Variants in SF3A1 observed in about 807,000 individuals in gnomAD.
SF3A1 encodes splicing factor 3a subunit 1, also known as SAP 114.
A neutral mutation model predicts 89.9 loss-of-function variants in SF3A1; 13 were observed. The observed-to-expected ratio is 0.14, with a 90% confidence interval of 0.09 to 0.23. The LOEUF (loss-of-function observed/expected upper bound fraction) is 0.23. SF3A1 is among the 10% of genes least tolerant of loss of function. The pLI, the probability that SF3A1 is intolerant of heterozygous loss-of-function variation, is 1.00. For synonymous variants in SF3A1, 405 were observed against 374.4 expected (o/e 1.08, Z -0.94); for missense variants, 604 against 1,022.1 (o/e 0.59, Z 5.58).
chr22:30,354,174 C>T (rs1931687935), intron 1 of SF3A1, among the ~76,000 whole-genome samples: 1 of 152,158 alleles, frequency 6.6e-6, no homozygotes, highest in Non-Finnish European at 1.5e-5. Context: ...AGTCTCTTAT[C>T]TTAGAGAAAC....
chr22:30,336,697 C>T (rs1362426445), intron 13 of SF3A1, among the ~76,000 whole-genome samples: 2 of 152,170 alleles, frequency 1.3e-5, no homozygotes, highest in East Asian at 1.9e-4. Flanking sequence ...CAATTTCCTC[C>T]AGGTGTCTAG....
chr22:30,346,847 G>C (rs1931436351), intron 2 of SF3A1, among the ~76,000 whole-genome samples: 1 of 152,066 alleles, frequency 6.6e-6, no homozygotes, highest in Non-Finnish European at 1.5e-5. Flanking sequence ...TTAAGATGGA[G>C]AATACATATT....
intron 11 of SF3A1, among the ~76,000 whole-genome samples, chr22:30,338,254 T>C (rs1481764019): frequency 6.6e-6 from 1 of 151,758 alleles, no homozygotes; most frequent in African/African-American, 2.4e-5. Flanking sequence ...AGGTCGGGAG[T>C]TCGAGACCAG....
At chr22:30,336,514 C>T (rs561021864) in intron 13 of SF3A1, among the ~76,000 whole-genome samples, 5 of 152,098 alleles carry the variant, frequency 3.3e-5, no homozygotes, top group Admixed American at 6.6e-5. Flanking sequence ...GAGCAGAGGC[C>T]GGGGCTGTTT....
At chr22:30,340,930 G>C (rs1931232184) in intron 7 of SF3A1, 118 bp from the exon 8 acceptor site, 1 of 669,806 alleles carries the variant, frequency 1.5e-6, no homozygotes, top group Non-Finnish European at 2.6e-6. Flanking sequence ...GCGTCCATGT[G>C]CTAAGCCTCC....
At chr22:30,342,741 G>A in intron 5 of SF3A1, 64 bp downstream of exon 5, 1 of 1,063,426 alleles carries the variant, frequency 9.4e-7, no homozygotes, top group South Asian at 1.3e-5. Flanking sequence ...CTCAGAGACT[G>A]TTTTCAGACA....
At chr22:30,343,407 G>A (rs1220573925) in intron 4 of SF3A1, among the ~76,000 whole-genome samples, 2 of 152,170 alleles carry the variant, frequency 1.3e-5, no homozygotes, top group African/African-American at 4.8e-5. Context: ...TTTCTCTTTT[G>A]TTCACGATTA....
chr22:30,356,744 T>A lies in SF3A1; in HGVS notation c.49A>T (p.Thr17Ser), dbSNP rs1238097168. Residue 17 changes from threonine (T) to serine (S), a missense_variant, in exon 1 of 16, where the codon ACG becomes TCG. Physicochemically the swap from Thr to Ser is moderately conservative, Grantham distance 58 (BLOSUM62 1). Transcript: ENST00000215793. ...QAVPPPPPVP[T>S]EPKQPTEEEA... is the part of the protein sequence containing the mutation. Reference sequence around the variant, plus strand: ...GGGAGAGGTACCTGTTTGGGCTCCGTGGGCACGGGCGGCGGCGGGGGCACC... The same window carrying A: ...GGGAGAGGTACCTGTTTGGGCTCCGAGGGCACGGGCGGCGGCGGGGGCACC... The A allele has an allele frequency of 6.7e-7, 1 of 1,494,780 alleles. No individual in the cohort carries two copies. Among genetic ancestry groups the A allele is most frequent in the South Asian group, 1.3e-5 (1 of 76,610 alleles). The allele number at this position is 1,494,780 out of a possible 1,614,324, so 92.6% of individuals were successfully genotyped here. A position where few individuals can be genotyped will look rare whatever the true frequency, so the allele number is the denominator to read the frequency against.
In SF3A1 at chr22:30,353,083, A is replaced by C. The variant is rs1182289071; in HGVS notation, c.64-11T>G. The C allele has an allele frequency of 6.2e-7, 1 of 1,613,668 alleles. No homozygotes were observed. The highest frequency in any genetic ancestry group is 8.5e-7 in the Non-Finnish European group (1 of 1,179,804). ...TTCTTCTTCTGTGGGCTGTGCAAACAGGAAAAGAAATAAGGTTTTAAAGTC... is the reference window on the plus strand; with the variant it reads ...TTCTTCTTCTGTGGGCTGTGCAAACCGGAAAAGAAATAAGGTTTTAAAGTC... On this transcript the variant is annotated splice_polypyrimidine_tract_variant and intron_variant, in intron 1 of 15. Coordinates refer to ENST00000215793, the MANE Select transcript of SF3A1 (RefSeq NM_005877.6).
At chr22:30,346,561 G>C (rs1931427319) in intron 2 of SF3A1, 42 bp from the exon 3 acceptor site, 1 of 1,604,550 alleles carries the variant, frequency 6.2e-7, no homozygotes, top group Non-Finnish European at 8.5e-7. Context: ...CCACTCCCTT[G>C]TGCCTGCTGT....
intron 2 of SF3A1, chr22:30,352,426 G>C (rs1931628880): frequency 6.5e-6 from 1 of 153,774 alleles, no homozygotes; most frequent in Non-Finnish European, 1.4e-5. Flanking sequence ...GGAACTGTGA[G>C]GAGAGACAGG....
intron 13 of SF3A1, among the ~76,000 whole-genome samples, chr22:30,336,046 G>A (rs1427418862): frequency 6.6e-6 from 1 of 152,232 alleles, no homozygotes; most frequent in Non-Finnish European, 1.5e-5. Context: ...AATATGACCT[G>A]CAGGGTCGGA....
chr22:30,356,116 C>T (rs2145830394), intron 1 of SF3A1, among the ~76,000 whole-genome samples: 2 of 152,220 alleles, frequency 1.3e-5, no homozygotes, highest in East Asian at 3.9e-4. Context: ...TTATTAAGGG[C>T]GGGCTGGCAC....
chr22:30,335,798 A>G, intron 13 of SF3A1, 45 bp from the exon 14 acceptor site: 3 of 1,479,092 alleles, frequency 2.0e-6, no homozygotes, highest in Non-Finnish European at 1.9e-6. Context: ...GCTCGGAGCC[A>G]ATCAAGAACT....
intron 9 of SF3A1, among the ~76,000 whole-genome samples, chr22:30,339,919 A>G (rs4339043): frequency 0.88 from 133,243 of 152,240 alleles, 58,674 homozygotes; most frequent in African/African-American, 0.97. Flanking sequence ...CCAGCCATCA[A>G]TGCTCTCCTT....
intron 4 of SF3A1, among the ~76,000 whole-genome samples, chr22:30,344,228 C>T (rs1477830852): frequency 1.3e-5 from 2 of 152,180 alleles, no homozygotes; most frequent in Non-Finnish European, 2.9e-5. Flanking sequence ...CTTCACTGCA[C>T]CTCAATTTTC....
At chr22:30,344,823 C>T (rs1931369517) in intron 4 of SF3A1, 110 bp downstream of exon 4, 2 of 1,234,010 alleles carry the variant, frequency 1.6e-6, no homozygotes, top group Admixed American at 2.2e-5. Context: ...TGCTCAGAGG[C>T]CCCATGGAGA....
intron 5 of SF3A1, 103 bp from the exon 6 acceptor site, chr22:30,342,453 AC>A: frequency 7.8e-7 from 1 of 1,286,044 alleles, no homozygotes; most frequent in Admixed American, 2.2e-5. Context: ...CTCCTTCGGA[AC>A]AGAATGGAAG....
chr22:30,347,956 C>T (rs1176854940), intron 2 of SF3A1, among the ~76,000 whole-genome samples: 4 of 152,274 alleles, frequency 2.6e-5, no homozygotes, highest in Non-Finnish European at 5.9e-5. Flanking sequence ...ATCCTCCCAC[C>T]TCAGCCTCCT....
Sources: gnomAD v4.1 joint callset for allele counts (sites outside exome capture counted in the v4.1 genomes callset) on GRCh38, gnomAD v4.1.1 for gene constraint, MANE v1.5 for transcripts, NCBI Gene and HGNC (gene_info 2026-07-23, HGNC 2026-07-21) for gene names.